The following CALD1 variants were observed in gnomAD, a reference collection of about 807,000 sequenced individuals.
CALD1 encodes the protein caldesmon.
CALD1 carries 33 observed loss-of-function variants against 99.9 expected under a neutral mutation model. That is an observed-to-expected ratio of 0.33 (90% CI 0.25 to 0.44). The LOEUF is 0.44. CALD1 is among the 20% of genes least tolerant of loss of function. The probability of loss-of-function intolerance (pLI) is 1.00; values close to 1 mark genes in which losing one functional copy is unlikely to be tolerated. For missense variants in CALD1, 861 were observed against 962.1 expected (o/e 0.89, Z 1.39); for synonymous variants, 310 against 325.0 (o/e 0.95, Z 0.50).
the CALD1 span, among the ~76,000 whole-genome samples, chr7:134,721,873 G>C: frequency 6.6e-6 from 1 of 152,276 alleles, no homozygotes; most frequent in African/African-American, 2.4e-5. Flanking sequence ...TGATAGTAGT[G>C]GGGTAGCTCG....
intron 1 of CALD1, among the ~76,000 whole-genome samples, chr7:134,792,259 C>T (rs181828223): frequency 8.0e-5 from 12 of 149,912 alleles, no homozygotes; most frequent in East Asian, 1.9e-4. Context: ...TCTTTCTGAA[C>T]GTGTATCTGC....
At chr7:134,756,404 T>C (rs888663413) in intron 1 of CALD1, among the ~76,000 whole-genome samples, 1 of 151,968 alleles carries the variant, frequency 6.6e-6, no homozygotes, top group Non-Finnish European at 1.5e-5. Context: ...TGAATTCTGT[T>C]CTTATGATTA....
chr7:134,813,376 G>T (rs574901885), intron 1 of CALD1, among the ~76,000 whole-genome samples: 3 of 152,266 alleles, frequency 2.0e-5, no homozygotes, highest in African/African-American at 7.2e-5. Flanking sequence ...ATGATGATGA[G>T]AATAATCTAG....
In CALD1 at chr7:134,951,540, T is replaced by C. The variant is rs753530477; in HGVS notation, c.1935+1026T>C. 5.1e-4 allele frequency among the ~76,000 whole-genome samples: 78 copies of C among 152,352 alleles called. 1 individual carries two copies. Among genetic ancestry groups the C allele is most frequent in the Non-Finnish European group, 2.8e-4 (19 of 68,032 alleles). ...GTCATGATTAAAAGCCAGCTGGAAA[T>C]GGTACAGGTGCAAATTTTAAAGCAA... On this transcript the variant is annotated intron_variant, in intron 9 of 14. Coordinates refer to ENST00000361675, the MANE Select transcript of CALD1 (RefSeq NM_033138.4).
chr7:134,789,468 T>C (rs768253159), intron 1 of CALD1, among the ~76,000 whole-genome samples: 2 of 152,124 alleles, frequency 1.3e-5, no homozygotes, highest in Non-Finnish European at 2.9e-5. Context: ...AGAACTTGAG[T>C]TTGAATCTCA....
At chr7:134,865,805 G>A (rs949088648) in intron 2 of CALD1, among the ~76,000 whole-genome samples, 11 of 152,126 alleles carry the variant, frequency 7.2e-5, no homozygotes, top group Admixed American at 7.2e-4. Flanking sequence ...AGAGGTATAG[G>A]CTGAGAACCA....
chr7:134,816,912 TA>T (rs1263101639), intron 1 of CALD1, among the ~76,000 whole-genome samples: 3 of 152,184 alleles, frequency 2.0e-5, no homozygotes, highest in African/African-American at 7.2e-5. Flanking sequence ...CTGGCTTTAT[TA>T]AAAAATTATG....
At chr7:134,838,300 T>C (rs1040697385) in intron 1 of CALD1, among the ~76,000 whole-genome samples, 3 of 152,116 alleles carry the variant, frequency 2.0e-5, no homozygotes, top group Admixed American at 1.3e-4. Flanking sequence ...ACTACAAGCA[T>C]ACTATAGATG....
intron 2 of CALD1, among the ~76,000 whole-genome samples, chr7:134,865,379 C>A (rs1297288939): frequency 6.6e-6 from 1 of 152,052 alleles, no homozygotes; most frequent in East Asian, 1.9e-4. Context: ...GAGAGTCATA[C>A]CACATGGTAC....
chr7:134,717,941 T>C, the CALD1 span, among the ~76,000 whole-genome samples: 1 of 152,198 alleles, frequency 6.6e-6, no homozygotes. Flanking sequence ...GCTAGCAATA[T>C]AGATGGTTTC....
At chr7:134,885,795 C>A (rs879818662) in intron 3 of CALD1, among the ~76,000 whole-genome samples, 5 of 151,990 alleles carry the variant, frequency 3.3e-5, no homozygotes, top group Non-Finnish European at 7.4e-5. Context: ...GGGTAGAAAT[C>A]ACATTCTTCA....
intron 9 of CALD1, 57 bp from the exon 10 acceptor site, chr7:134,958,012 A>G: frequency 4.5e-6 from 6 of 1,323,172 alleles, no homozygotes; most frequent in Non-Finnish European, 6.5e-6. Flanking sequence ...TGGGCTGAGA[A>G]ACACTGTTTA....
chr7:134,714,963 C>A, the CALD1 span, among the ~76,000 whole-genome samples: 1 of 152,154 alleles, frequency 6.6e-6, no homozygotes, highest in Non-Finnish European at 1.5e-5. Context: ...CAGTCTCCTA[C>A]CTCAATACCA....
chr7:134,861,684 C>T (rs928194367), intron 2 of CALD1, among the ~76,000 whole-genome samples: 6 of 152,146 alleles, frequency 3.9e-5, no homozygotes, highest in Non-Finnish European at 7.4e-5. Context: ...AGTAGCTGTG[C>T]GGTAAATATT....
the CALD1 span, among the ~76,000 whole-genome samples, chr7:134,712,251 T>A: frequency 3.9e-5 from 6 of 152,202 alleles, no homozygotes; most frequent in Non-Finnish European, 7.3e-5. Flanking sequence ...TTTTGCTTCA[T>A]CAGACATCTC....
intron 1 of CALD1, among the ~76,000 whole-genome samples, chr7:134,839,781 C>T (rs1262470169): frequency 1.8e-4 from 27 of 152,134 alleles, no homozygotes; most frequent in Admixed American, 1.8e-3. Context: ...CCTTGACTTC[C>T]CTGGCTCAAG....
At chr7:134,773,025 C>A (rs1796888546) in intron 1 of CALD1, among the ~76,000 whole-genome samples, 1 of 152,216 alleles carries the variant, frequency 6.6e-6, no homozygotes, top group Non-Finnish European at 1.5e-5. Context: ...AACCTTGGAA[C>A]TTGATAATTT....
At chr7:134,806,897 G>A (rs1798161278) in intron 1 of CALD1, among the ~76,000 whole-genome samples, 1 of 152,128 alleles carries the variant, frequency 6.6e-6, no homozygotes, top group Non-Finnish European at 1.5e-5. Flanking sequence ...AGTAGATCTA[G>A]TAAATGAAAC....
At chr7:134,924,324 T>C (rs1055932539) in intron 3 of CALD1, among the ~76,000 whole-genome samples, 3 of 152,214 alleles carry the variant, frequency 2.0e-5, no homozygotes, top group Non-Finnish European at 4.4e-5. Flanking sequence ...AAAATTTATG[T>C]GTGCGTTGCT....
Sources: gnomAD v4.1 joint callset for allele counts (sites outside exome capture counted in the v4.1 genomes callset) on GRCh38, gnomAD v4.1.1 for gene constraint, MANE v1.5 for transcripts, NCBI Gene and HGNC (gene_info 2026-07-23, HGNC 2026-07-21) for gene names.